The following SCNN1B variants were observed in gnomAD, a reference collection of about 807,000 sequenced individuals.
SCNN1B encodes the protein epithelial sodium channel subunit beta.
Under a neutral mutation model 65.3 loss-of-function variants are expected in SCNN1B, and 46 were observed. The observed-to-expected ratio is 0.70, with a 90% CI of 0.56 to 0.90. The LOEUF is 0.90. Among genes scored for constraint, SCNN1B ranks in the 40% least tolerant of loss-of-function variants. The pLI is 0.00. For synonymous variants in SCNN1B, 349 were observed against 330.6 expected (o/e 1.06, Z -0.60); for missense variants, 751 against 830.5 (o/e 0.90, Z 1.18).
At position 23,305,551 on chromosome 16, in the gene SCNN1B, TATATA is replaced by T. The variant is rs1567290279; in HGVS notation, c.-9+3115_-9+3119del. ...TATATATATTATATATATATATATA[TATATA>T]TATATATATATATATATATATTATA... On this transcript the variant is annotated intron_variant, in intron 1 of 12. Coordinates refer to ENST00000343070, the MANE Select transcript of SCNN1B (RefSeq NM_000336.3). Among the ~76,000 whole-genome samples, 202 of 52,818 alleles carry T rather than the reference TATATA, an allele frequency of 3.8e-3. 19 individuals carry two copies. Among genetic ancestry groups the T allele is most frequent in the African/African-American group, 0.013 (192 of 14,862 alleles). The allele number at this position is 52,818 out of a possible 152,430, so 34.7% of individuals were successfully genotyped here.
chr16:23,377,433 G>A (rs1363111937), intron 10 of SCNN1B, 47 bp downstream of exon 10: 3 of 1,590,520 alleles, frequency 1.9e-6, no homozygotes, highest in African/African-American at 2.7e-5. Context: ...TTTGGCTGGG[G>A]ACAAGTCTGG....
At chr16:23,342,865 G>A (rs1962081817) in intron 1 of SCNN1B, among the ~76,000 whole-genome samples, 1 of 152,066 alleles carries the variant, frequency 6.6e-6, no homozygotes, top group Admixed American at 6.6e-5. Context: ...GGTGGAGAGA[G>A]GAATGAGAAA....
chr16:23,299,694 G>C (rs1961046748), upstream of SCNN1B, among the ~76,000 whole-genome samples: 1 of 152,214 alleles, frequency 6.6e-6, no homozygotes, highest in Non-Finnish European at 1.5e-5. Flanking sequence ...GGAAACAACA[G>C]ATGCTGGAGA....
intron 1 of SCNN1B, among the ~76,000 whole-genome samples, chr16:23,343,588 AAAGAAAGAAAG>A (rs1962110695): frequency 1.9e-5 from 1 of 52,036 alleles, no homozygotes; most frequent in South Asian, 1.2e-3. Flanking sequence ...AAAGAGAAAG[AAAGAAAGAAAG>A]AAAGAAAGAA....
intron 7 of SCNN1B, among the ~76,000 whole-genome samples, chr16:23,373,542 G>A (rs889170934): frequency 6.6e-6 from 1 of 152,198 alleles, no homozygotes; most frequent in Non-Finnish European, 1.5e-5. Context: ...CCCTTGGAGA[G>A]GGCAGACTGA....
intron 1 of SCNN1B, among the ~76,000 whole-genome samples, chr16:23,338,323 A>G (rs1456992347): frequency 2.6e-5 from 4 of 152,350 alleles, no homozygotes; most frequent in Non-Finnish European, 2.9e-5. Context: ...TGGCCTGGAC[A>G]CTAAACCTCA....
intron 1 of SCNN1B, among the ~76,000 whole-genome samples, chr16:23,344,581 A>G (rs1304227287): frequency 6.6e-6 from 1 of 152,196 alleles, no homozygotes; most frequent in African/African-American, 2.4e-5. Context: ...TTATTACTTT[A>G]TTATTTCAGA....
chr16:23,316,402 C>T (rs1184718363), intron 1 of SCNN1B, among the ~76,000 whole-genome samples: 2 of 151,404 alleles, frequency 1.3e-5, no homozygotes, highest in African/African-American at 4.9e-5. Flanking sequence ...CCATCATCAT[C>T]ATCACCACCA....
intron 1 of SCNN1B, among the ~76,000 whole-genome samples, chr16:23,282,068 A>G (rs1484446926): frequency 6.6e-6 from 1 of 151,934 alleles, no homozygotes; most frequent in Non-Finnish European, 1.5e-5. Context: ...GAGACTCCAA[A>G]AGGTGGGAGG....
Position 23,333,497 on chromosome 16 carries a change from A to G in SCNN1B, c.-8-15095A>G, listed in dbSNP as rs1011002426. ...ACCCAGGGCCATTTTGAATAATTCT[A>G]CACCTTCCATAAAATGTTAATACCA... On this transcript the variant is annotated intron_variant, in intron 1 of 12. Coordinates refer to ENST00000343070, the MANE Select transcript of SCNN1B (RefSeq NM_000336.3). Among the ~76,000 whole-genome samples, 3 of 152,162 alleles carry G rather than the reference A, an allele frequency of 2.0e-5. No homozygotes were observed. In the South Asian group the frequency reaches 6.2e-4, roughly 31 times the overall value.
At chr16:23,342,863 G>A (rs1962081762) in intron 1 of SCNN1B, among the ~76,000 whole-genome samples, 1 of 152,152 alleles carries the variant, frequency 6.6e-6, no homozygotes, top group South Asian at 2.1e-4. Context: ...AGGGTGGAGA[G>A]AGGAATGAGA....
chr16:23,355,542 G>T lies in SCNN1B; in HGVS notation c.776+53G>T, dbSNP rs996787783. The T allele has an allele frequency of 4.3e-5, 68 of 1,579,438 alleles. No homozygotes were observed. The Admixed American group carries it at 1.1e-3, about 26-fold the overall frequency. ...CAGGCCCTGGCACCGAGAGACAGTG[G>T]CATGTTACGGTTGGGAGCACAGCCT... On this transcript the variant is annotated intron_variant, in intron 4 of 12. Transcript: ENST00000343070.
intron 11 of SCNN1B, 59 bp downstream of exon 11, chr16:23,378,826 C>T: frequency 6.5e-7 from 1 of 1,527,934 alleles, no homozygotes; most frequent in South Asian, 1.1e-5. Flanking sequence ...AAACTCGGGG[C>T]AGGAGTTTGG....
At chr16:23,318,308 C>A (rs1314670232) in intron 1 of SCNN1B, among the ~76,000 whole-genome samples, 2 of 152,130 alleles carry the variant, frequency 1.3e-5, no homozygotes, top group African/African-American at 4.8e-5. Context: ...GTCTAAAAAA[C>A]AGGTGTATAC....
intron 4 of SCNN1B, among the ~76,000 whole-genome samples, chr16:23,360,020 T>G (rs1962505599): frequency 1.3e-5 from 2 of 151,520 alleles, no homozygotes; most frequent in South Asian, 4.2e-4. Flanking sequence ...CTGGCAAACA[T>G]AGTGAAACCC....
At chr16:23,304,169 A>T in intron 1 of SCNN1B, 2 of 1,241,080 alleles carry the variant, frequency 1.6e-6, no homozygotes, top group Non-Finnish European at 1.1e-6. Flanking sequence ...ATTTTTCTTT[A>T]TCCTAAACTA....
At chr16:23,327,613 G>A (rs1466487558) in intron 1 of SCNN1B, among the ~76,000 whole-genome samples, 1 of 152,156 alleles carries the variant, frequency 6.6e-6, no homozygotes, top group Non-Finnish European at 1.5e-5. Context: ...CTGTATCGTA[G>A]TTTGTGGAAC....
intron 1 of SCNN1B, among the ~76,000 whole-genome samples, chr16:23,316,395 TCA>T (rs1961464638): frequency 7.3e-6 from 1 of 137,504 alleles, no homozygotes; most frequent in African/African-American, 2.8e-5. Flanking sequence ...ATCATCACCA[TCA>T]TCATCATCAC....
At chr16:23,313,384 T>C (rs1469841843) in intron 1 of SCNN1B, among the ~76,000 whole-genome samples, 1 of 152,216 alleles carries the variant, frequency 6.6e-6, no homozygotes, top group Non-Finnish European at 1.5e-5. Context: ...TCCAGCTGGC[T>C]AAAAACCCTA....
Sources: allele counts gnomAD v4.1 joint callset (sites outside exome capture counted in the v4.1 genomes callset), GRCh38; gene constraint gnomAD v4.1.1; transcripts MANE v1.5; gene names NCBI Gene and HGNC (gene_info 2026-07-23, HGNC 2026-07-21).